The following CDH4 variants were observed in gnomAD, a reference collection of about 807,000 sequenced individuals.
CDH4 encodes the protein cadherin-4.
Under a neutral mutation model 86.0 loss-of-function variants are expected in CDH4, and 33 were observed. The observed-to-expected ratio is 0.38, with a 90% confidence interval of 0.29 to 0.51. CDH4 has a LOEUF of 0.51. CDH4 is among the 20% of genes least tolerant of loss of function. The probability of loss-of-function intolerance (pLI) is 0.86; values close to 1 mark genes in which losing one functional copy is unlikely to be tolerated. For missense variants in CDH4, 1,114 were observed against 1,307.4 expected, an observed-to-expected ratio of 0.85 and a Z score of 2.28; for synonymous variants, 555 against 549.4, an observed-to-expected ratio of 1.01 and a Z score of -0.14.
chr20:61,936,395 ACACCC>A (rs1438752426), intron 15 of CDH4, among the ~76,000 whole-genome samples: 22 of 886 alleles, frequency 0.025, no homozygotes, highest in Admixed American at 0.081. Flanking sequence ...CCCCTCCCCC[ACACCC>A]CCTCCCCCCT....
At chr20:61,697,749 C>T (rs1412734395) in intron 2 of CDH4, among the ~76,000 whole-genome samples, 1 of 152,238 alleles carries the variant, frequency 6.6e-6, no homozygotes, top group Non-Finnish European at 1.5e-5. Context: ...AGGGACGTCT[C>T]CCCAGAGGGG....
At chr20:61,429,982 T>C (rs1199208658) in intron 2 of CDH4, among the ~76,000 whole-genome samples, 7 of 152,232 alleles carry the variant, frequency 4.6e-5, no homozygotes, top group Non-Finnish European at 8.8e-5. Context: ...CTTGGAGCCA[T>C]GCTTCTCACC....
intron 2 of CDH4, among the ~76,000 whole-genome samples, chr20:61,388,035 GT>G (rs2084961904): frequency 6.6e-6 from 1 of 152,218 alleles, no homozygotes; most frequent in African/African-American, 2.4e-5. Context: ...GCACTTAACA[GT>G]TTTGCATTCA....
chr20:61,887,563 G>A (rs1008926525), intron 7 of CDH4, among the ~76,000 whole-genome samples: 1 of 152,186 alleles, frequency 6.6e-6, no homozygotes, highest in Non-Finnish European at 1.5e-5. Flanking sequence ...GGGTTTCTAC[G>A]ATGCTTGATT....
chr20:61,275,081 T>G (rs1434855304), intron 2 of CDH4, among the ~76,000 whole-genome samples: 1 of 64,936 alleles, frequency 1.5e-5, no homozygotes, highest in African/African-American at 6.5e-5. Flanking sequence ...GAGTACCATG[T>G]GTAGTTTGGG....
chr20:61,928,464 G>GCACCCCAGGCTA, intron 12 of CDH4, 41 bp downstream of exon 12: 1 of 1,571,066 alleles, frequency 6.4e-7, no homozygotes, highest in Non-Finnish European at 8.7e-7. Flanking sequence ...AGACTAGCCT[G>GCACCCCAGGCTA]GGGTGCAGGC....
At chr20:61,817,665 G>A (rs1385208187) in intron 4 of CDH4, among the ~76,000 whole-genome samples, 1 of 152,098 alleles carries the variant, frequency 6.6e-6, no homozygotes, top group Non-Finnish European at 1.5e-5. Context: ...AGGTGTCTGC[G>A]CGTTCATCTC....
rs538748204 is a variant in CDH4, at chr20:61,509,422, A to G, written c.170-234141A>G. ...GGTGGGTGACTGTGAGCTGTGAGACAGGCATCAGTGCCACTTGCTTTGTCG... is the reference window on the plus strand; with the variant it reads ...GGTGGGTGACTGTGAGCTGTGAGACGGGCATCAGTGCCACTTGCTTTGTCG... On this transcript the variant is annotated intron_variant, in intron 2 of 15. Coordinates refer to ENST00000614565, the MANE Select transcript of CDH4 (RefSeq NM_001794.5). Among the ~76,000 whole-genome samples, 108 of 150,978 alleles carry G rather than the reference A, an allele frequency of 7.2e-4. 1 individual carries two copies. Among genetic ancestry groups the G allele is most frequent in the African/African-American group, 2.5e-3 (104 of 41,020 alleles).
At chr20:61,932,837 G>A in intron 13 of CDH4, 148 bp from the exon 14 acceptor site, 1 of 1,054,106 alleles carries the variant, frequency 9.5e-7, no homozygotes, top group Admixed American at 2.5e-5. Flanking sequence ...ACATGCGCGT[G>A]TGCAGTACAG....
In CDH4 at chr20:61,501,244, A is replaced by G. The variant is rs1180907531; in HGVS notation, c.170-242319A>G. 2.0e-5 allele frequency among the ~76,000 whole-genome samples: 3 copies of G among 152,182 alleles called. No individual in the cohort carries two copies. Among genetic ancestry groups the G allele is most frequent in the Admixed American group, 2.0e-4 (3 of 15,284 alleles). On this transcript the variant is annotated intron_variant, in intron 2 of 15. Coordinates refer to ENST00000614565, the MANE Select transcript of CDH4 (RefSeq NM_001794.5). The surrounding 1 kb of genome is among the most constrained non-coding windows in gnomAD (Gnocchi z 4.2). Reference sequence around the variant, plus strand: ...CCTTATCTGATGTTTAGAGCTTCATAGTTTAAATGGCAATCATTCCTTGAA... The same window carrying G: ...CCTTATCTGATGTTTAGAGCTTCATGGTTTAAATGGCAATCATTCCTTGAA...
intron 2 of CDH4, among the ~76,000 whole-genome samples, chr20:61,706,070 C>T (rs890106674): frequency 6.6e-6 from 1 of 152,202 alleles, no homozygotes; most frequent in African/African-American, 2.4e-5. Flanking sequence ...GCCGTCCCAC[C>T]CCATTGTGCC....
intron 6 of CDH4, among the ~76,000 whole-genome samples, chr20:61,871,710 G>T (rs1183443902): frequency 1.3e-5 from 2 of 152,162 alleles, no homozygotes; most frequent in African/African-American, 4.8e-5. Context: ...CATCGGGGTG[G>T]GGTCCCTAGT....
rs368056493 is a variant in CDH4 at position 61,932,965 on chromosome 20, C to T, written c.2240-20C>T. 77 of 1,607,612 alleles carry T rather than the reference C, an allele frequency of 4.8e-5. No homozygotes were observed. In the African/African-American group the frequency reaches 6.8e-4, roughly 14 times the overall value. On this transcript the variant is annotated intron_variant, in intron 13 of 15. Coordinates refer to ENST00000614565, the MANE Select transcript of CDH4 (RefSeq NM_001794.5). ...GCACACCCGCAGCACACCCTGCTCA[C>T]GGGCAGCCCTCCCCCACAGCCATGG...
intron 4 of CDH4, among the ~76,000 whole-genome samples, chr20:61,841,483 A>G (rs1982168812): frequency 6.6e-6 from 1 of 152,186 alleles, no homozygotes; most frequent in South Asian, 2.1e-4. Context: ...GGCCTTGCCC[A>G]TGGAAGGCCT....
intron 2 of CDH4, among the ~76,000 whole-genome samples, chr20:61,689,801 G>T (rs2087631782): frequency 7.0e-6 from 1 of 143,714 alleles, no homozygotes; most frequent in Non-Finnish European, 1.5e-5. Flanking sequence ...GTGGAATAGG[G>T]CTGGGACAGT....
rs2087856262 is a variant in CDH4 at position 61,708,478 on chromosome 20, A to G, written c.170-35085A>G. 6.6e-6 allele frequency among the ~76,000 whole-genome samples: 1 copy of G among 151,964 alleles called. No homozygotes were observed. Among genetic ancestry groups the G allele is most frequent in the Non-Finnish European group, 1.5e-5 (1 of 67,980 alleles). ...GCCACAGTCAGGGGGCTATGGAGAA[A>G]CCCAATCCAGGCCCCGGGCTCCCAG... On this transcript the variant is annotated intron_variant, in intron 2 of 15. Coordinates refer to ENST00000614565, the MANE Select transcript of CDH4 (RefSeq NM_001794.5). The surrounding 1 kb of genome is among the most constrained non-coding windows in gnomAD (Gnocchi z 4.5).
At chr20:61,661,535 C>G (rs1285280299) in intron 2 of CDH4, among the ~76,000 whole-genome samples, 1 of 106,018 alleles carries the variant, frequency 9.4e-6, no homozygotes, top group Non-Finnish European at 1.8e-5. Flanking sequence ...AGAAACTCTT[C>G]TTTTTTAATA....
Position 61,671,451 on chromosome 20 carries a change from G to C in CDH4, c.170-72112G>C, listed in dbSNP as rs538085460. 8.3e-4 allele frequency among the ~76,000 whole-genome samples: 126 copies of C among 152,304 alleles called. 1 individual carries two copies. The highest frequency in any genetic ancestry group is 2.9e-3 in the African/African-American group (121 of 41,558). ...TTCAAGGTTGCAGTGAGCTGTGATC[G>C]TGTCACTGCACTCCAGCGTGGGCAA... On this transcript the variant is annotated intron_variant, in intron 2 of 15. Transcript: ENST00000614565.
At chr20:61,285,085 G>T (rs866693047) in intron 2 of CDH4, among the ~76,000 whole-genome samples, 1,690 of 122,884 alleles carry the variant, frequency 0.014, 31 homozygotes, top group African/African-American at 0.054. Flanking sequence ...TTTTTTTTTT[G>T]TTTGTTTGTT....
Sources: allele counts gnomAD v4.1 joint callset (sites outside exome capture counted in the v4.1 genomes callset), GRCh38; gene constraint gnomAD v4.1.1; non-coding constraint Gnocchi (gnomAD v3.1); transcripts MANE v1.5; gene names NCBI Gene and HGNC (gene_info 2026-07-23, HGNC 2026-07-21).